The following PHF21A variants were observed in gnomAD, a reference collection of about 807,000 sequenced individuals.
PHF21A encodes BHC80a.
A neutral mutation model predicts 82.5 loss-of-function variants in PHF21A; 11 were observed. The ratio of observed to expected loss-of-function variants is 0.13; its 90% CI spans 0.08 to 0.22. The LOEUF (loss-of-function observed/expected upper bound fraction) is 0.22. Among genes scored for constraint, PHF21A ranks in the 10% least tolerant of loss-of-function variants. PHF21A has a pLI of 1.00. For synonymous variants in PHF21A, 297 were observed against 302.8 expected (o/e 0.98, Z 0.20); for missense variants, 579 against 837.8 (o/e 0.69, Z 3.81).
intron 3 of PHF21A, among the ~76,000 whole-genome samples, chr11:46,087,538 T>C (rs909941462): frequency 1.3e-5 from 2 of 149,392 alleles, no homozygotes; most frequent in Non-Finnish European, 2.9e-5. Context: ...AGAAGATTCA[T>C]TTGAAATTCT....
At chr11:45,955,992 C>T (rs1399069361) in intron 10 of PHF21A, among the ~76,000 whole-genome samples, 1 of 152,224 alleles carries the variant, frequency 6.6e-6, no homozygotes, top group Non-Finnish European at 1.5e-5. Context: ...AACTAAGTTG[C>T]AGACCAGAAG....
chr11:46,111,761 C>T (rs943853098), intron 1 of PHF21A, among the ~76,000 whole-genome samples: 2 of 152,094 alleles, frequency 1.3e-5, no homozygotes, highest in African/African-American at 4.8e-5. Context: ...GTTCAAGAGC[C>T]TAAAAGAAGT....
chr11:45,939,367 A>C (rs1454707062), intron 15 of PHF21A, among the ~76,000 whole-genome samples: 3 of 152,226 alleles, frequency 2.0e-5, no homozygotes, highest in Non-Finnish European at 2.9e-5. Context: ...GAAGACAGAC[A>C]AATATTGGAG....
At chr11:45,989,066 G>C (rs560982404) in intron 6 of PHF21A, among the ~76,000 whole-genome samples, 2 of 152,214 alleles carry the variant, frequency 1.3e-5, no homozygotes, top group Admixed American at 6.5e-5. Context: ...AAACAACAGG[G>C]AGGGTGCAAG....
intron 10 of PHF21A, among the ~76,000 whole-genome samples, chr11:45,964,056 G>A (rs2093279518): frequency 6.6e-6 from 1 of 151,804 alleles, no homozygotes; most frequent in African/African-American, 2.4e-5. Flanking sequence ...AATTAGCCAG[G>A]CATGGTGGCT....
chr11:46,013,227 C>T (rs2095445402), intron 6 of PHF21A, among the ~76,000 whole-genome samples: 1 of 152,080 alleles, frequency 6.6e-6, no homozygotes, highest in Non-Finnish European at 1.5e-5. Context: ...GTGGCATAGG[C>T]ACTGTGAATA....
At chr11:46,007,573 C>A (rs909714616) in intron 6 of PHF21A, among the ~76,000 whole-genome samples, 1 of 152,166 alleles carries the variant, frequency 6.6e-6, no homozygotes, top group Non-Finnish European at 1.5e-5. Flanking sequence ...TGTGGCCTCC[C>A]AAAGTGCTGG....
chr11:46,019,392 C>T (rs974301787), intron 6 of PHF21A, among the ~76,000 whole-genome samples: 17 of 152,060 alleles, frequency 1.1e-4, no homozygotes, highest in African/African-American at 4.1e-4. Context: ...TAAGCATGTA[C>T]ACCACGCCAA....
chr11:45,948,852 C>T (rs745377606), intron 14 of PHF21A, 34 bp downstream of exon 14: 22 of 1,552,840 alleles, frequency 1.4e-5, no homozygotes, highest in Non-Finnish European at 1.9e-5. Flanking sequence ...GCAAAAGCAA[C>T]AGCAGCAAGG....
chr11:46,026,545 T>C (rs1445810731), intron 6 of PHF21A, among the ~76,000 whole-genome samples: 2 of 152,202 alleles, frequency 1.3e-5, no homozygotes, highest in Middle Eastern at 3.2e-3. Context: ...ACCTCTTCTC[T>C]ACCCTGTTCG....
intron 10 of PHF21A, among the ~76,000 whole-genome samples, chr11:45,958,455 C>T (rs1251001922): frequency 1.2e-5 from 1 of 83,394 alleles, no homozygotes; most frequent in South Asian, 4.4e-4. Context: ...TATATACACA[C>T]ACACACACAC....
At chr11:46,026,414 T>C (rs1468975169) in intron 6 of PHF21A, among the ~76,000 whole-genome samples, 1 of 152,186 alleles carries the variant, frequency 6.6e-6, no homozygotes, top group East Asian at 1.9e-4. Flanking sequence ...ATTCCAATGC[T>C]TCATGATCCT....
At chr11:45,968,313 T>C (rs1429111737) in intron 9 of PHF21A, among the ~76,000 whole-genome samples, 1 of 152,216 alleles carries the variant, frequency 6.6e-6, no homozygotes, top group Non-Finnish European at 1.5e-5. Context: ...CTGCTGCTCC[T>C]AGGATAAGGC....
intron 16 of PHF21A, 90 bp from the exon 17 acceptor site, chr11:45,936,659 G>T: frequency 1.2e-6 from 1 of 852,570 alleles, no homozygotes; most frequent in Non-Finnish European, 2.0e-6. Context: ...GTGGCTACTG[G>T]CAGATAAAAT....
At chr11:45,965,708 ACT>A in intron 9 of PHF21A, 100 bp from the exon 10 acceptor site, 3 of 888,448 alleles carry the variant, frequency 3.4e-6, no homozygotes, top group Non-Finnish European at 3.4e-6. Context: ...TGTTTAATAC[ACT>A]TATTAATGTT....
intron 14 of PHF21A, among the ~76,000 whole-genome samples, chr11:45,946,490 T>A (rs1416625099): frequency 6.6e-6 from 1 of 152,114 alleles, no homozygotes. Context: ...TTCAAGCCAT[T>A]CTCCTGCCTC....
chr11:46,011,134 G>C (rs186264288), intron 6 of PHF21A, among the ~76,000 whole-genome samples: 3 of 152,156 alleles, frequency 2.0e-5, no homozygotes, highest in African/African-American at 4.8e-5. Context: ...TTGAGGGAAA[G>C]AATTAACCGT....
At chr11:45,976,041 A>T (rs1290316448) in intron 7 of PHF21A, among the ~76,000 whole-genome samples, 1 of 152,092 alleles carries the variant, frequency 6.6e-6, no homozygotes, top group Non-Finnish European at 1.5e-5. Flanking sequence ...TATGACTGTT[A>T]AAAAACCCAG....
chr11:46,091,313 T>C (rs1218284318), intron 2 of PHF21A, among the ~76,000 whole-genome samples: 1 of 152,196 alleles, frequency 6.6e-6, no homozygotes, highest in Non-Finnish European at 1.5e-5. Context: ...GTAATTTTTT[T>C]CATAATACAC....
Sources: gnomAD v4.1 joint callset for allele counts (sites outside exome capture counted in the v4.1 genomes callset) on GRCh38, gnomAD v4.1.1 for gene constraint, MANE v1.5 for transcripts, NCBI Gene and HGNC (gene_info 2026-07-23, HGNC 2026-07-21) for gene names.